The following COL21A1 variants were observed in gnomAD, a reference collection of about 807,000 sequenced individuals.
The protein encoded by COL21A1 is collagen type XXI alpha 1 chain, also known as collagen alpha-1(XXI) chain.
In COL21A1, 149 loss-of-function variants were observed where a neutral mutation model predicts 137.9. The observed-to-expected ratio is 1.08, with a 90% CI of 0.95 to 1.24. The LOEUF is 1.24. Ranked by LOEUF, COL21A1 falls within the 50% of genes most tolerant of loss-of-function variation. The probability of loss-of-function intolerance (pLI) is 0.00; values close to 1 mark genes in which losing one functional copy is unlikely to be tolerated. For synonymous variants in COL21A1, 456 were observed against 391.5 expected (o/e 1.16, Z -1.95); for missense variants, 1,167 against 1,158.4 (o/e 1.01, Z -0.11).
At chr6:56,214,060 T>TAA (rs1780342144) in intron 1 of COL21A1, among the ~76,000 whole-genome samples, 3 of 152,154 alleles carry the variant, frequency 2.0e-5, no homozygotes, top group South Asian at 4.1e-4. Context: ...CCCTTGGAGT[T>TAA]AAACTTTAAT....
intron 22 of COL21A1, among the ~76,000 whole-genome samples, chr6:56,067,972 G>A (rs145145744): frequency 1.4e-3 from 210 of 151,594 alleles, no homozygotes; most frequent in Non-Finnish European, 2.2e-3. Context: ...ATACTTCACC[G>A]TACTATCTAA....
At chr6:56,200,910 A>G (rs1350952188) in intron 1 of COL21A1, among the ~76,000 whole-genome samples, 1 of 152,276 alleles carries the variant, frequency 6.6e-6, no homozygotes, top group Non-Finnish European at 1.5e-5. Flanking sequence ...ACTAGTTTAC[A>G]GTCCCACCAA....
At chr6:56,119,446 G>A (rs1336231038) in intron 16 of COL21A1, among the ~76,000 whole-genome samples, 1 of 152,076 alleles carries the variant, frequency 6.6e-6, no homozygotes, top group Non-Finnish European at 1.5e-5. Flanking sequence ...ATGTTCATGG[G>A]TTTGAAGAAT....
intron 1 of COL21A1, among the ~76,000 whole-genome samples, chr6:56,192,651 A>T (rs1302147850): frequency 1.3e-5 from 2 of 152,228 alleles, no homozygotes; most frequent in Non-Finnish European, 2.9e-5. Context: ...ATCTCATGCC[A>T]GTTAGAATGA....
At chr6:56,170,175 T>C (rs1776920620) in intron 5 of COL21A1, among the ~76,000 whole-genome samples, 1 of 151,928 alleles carries the variant, frequency 6.6e-6, no homozygotes, top group South Asian at 2.1e-4. Flanking sequence ...CTATTATGTA[T>C]CTGGTATTTA....
At chr6:56,307,457 C>A (rs1034000135) in intron 1 of COL21A1, among the ~76,000 whole-genome samples, 2 of 152,198 alleles carry the variant, frequency 1.3e-5, no homozygotes, top group Admixed American at 6.5e-5. Flanking sequence ...TGCCGCCTTG[C>A]AGTTTGATCT....
intron 10 of COL21A1, among the ~76,000 whole-genome samples, chr6:56,147,113 A>G (rs1774893072): frequency 6.6e-6 from 1 of 152,104 alleles, no homozygotes; most frequent in Admixed American, 6.6e-5. Flanking sequence ...TCAAAAGGAG[A>G]ATGTACAACT....
At chr6:56,309,894 G>A (rs1221572840) in intron 1 of COL21A1, among the ~76,000 whole-genome samples, 1 of 152,178 alleles carries the variant, frequency 6.6e-6, no homozygotes, top group East Asian at 1.9e-4. Context: ...ACAGATCGAT[G>A]CAGGGATGGA....
chr6:56,309,172 G>T (rs145178029), intron 1 of COL21A1, among the ~76,000 whole-genome samples: 2,097 of 152,026 alleles, frequency 0.014, 23 homozygotes, highest in South Asian at 0.022. Context: ...CTCCTGAGTA[G>T]CTGGGACTAC....
At chr6:56,110,105 T>A (rs1404524128) in intron 16 of COL21A1, among the ~76,000 whole-genome samples, 4 of 151,902 alleles carry the variant, frequency 2.6e-5, no homozygotes, top group African/African-American at 9.7e-5. Context: ...GCAAATTGAA[T>A]CCAGTAATGT....
chr6:56,237,340 A>C (rs1781971475), intron 1 of COL21A1, among the ~76,000 whole-genome samples: 1 of 152,114 alleles, frequency 6.6e-6, no homozygotes, highest in South Asian at 2.1e-4. Context: ...AAAACAATGA[A>C]ATTTTTAAAA....
intron 24 of COL21A1, among the ~76,000 whole-genome samples, chr6:56,064,126 A>G (rs1766037326): frequency 6.6e-6 from 1 of 152,112 alleles, no homozygotes; most frequent in Admixed American, 6.6e-5. Context: ...ATTTTAATAT[A>G]TCTCCAGAGC....
chr6:56,074,922 A>G (rs1323564401), intron 19 of COL21A1, among the ~76,000 whole-genome samples: 1 of 151,408 alleles, frequency 6.6e-6, no homozygotes, highest in Non-Finnish European at 1.5e-5. Context: ...TGAACCTATA[A>G]CAGACAATTT....
At chr6:56,329,140 C>T (rs1408157888) in intron 1 of COL21A1, among the ~76,000 whole-genome samples, 2 of 152,100 alleles carry the variant, frequency 1.3e-5, no homozygotes, top group Non-Finnish European at 2.9e-5. Context: ...CGGTGTAAGG[C>T]ATATAGTACA....
intron 1 of COL21A1, among the ~76,000 whole-genome samples, chr6:56,246,768 G>A (rs1438176467): frequency 6.6e-6 from 1 of 152,148 alleles, no homozygotes; most frequent in Non-Finnish European, 1.5e-5. Flanking sequence ...GCTGCTGCGG[G>A]CCAGATGCCA....
intron 16 of COL21A1, among the ~76,000 whole-genome samples, chr6:56,104,883 T>G (rs1265265483): frequency 6.6e-6 from 1 of 152,234 alleles, no homozygotes; most frequent in Non-Finnish European, 1.5e-5. Flanking sequence ...TGGAAAGTAA[T>G]TTAGTTTGCT....
Position 56,060,191 on chromosome 6 carries a change from CCA to C in COL21A1, c.2433_2434del (p.Ser811ArgfsTer4). The C allele has an allele frequency of 6.2e-7, 1 of 1,607,086 alleles. No homozygotes were observed. On this transcript the variant is annotated frameshift_variant, in exon 28 of 30. Transcript: ENST00000244728. LOFTEE classifies it high-confidence loss of function. ...GCAATGATCACAATTTCTAATTCTT[CCA>C]CTCTGAAGTAAGACTGGTAGCTGGG... is the stretch of plus-strand genomic sequence containing the variant.
At position 56,147,518 on chromosome 6, in the gene COL21A1, T is replaced by G. The variant is rs552010293; in HGVS notation, c.1435-5535A>C. Among the ~76,000 whole-genome samples, 5 of 152,032 alleles carry G rather than the reference T, an allele frequency of 3.3e-5. No individual in the cohort carries two copies. The East Asian group carries it at 9.6e-4, about 29-fold the overall frequency. ...AATAATTACTGAGTTCAACCAGTTATCACCAACCGAGAACTCTAATAGTAG... is the reference window on the plus strand; with the variant it reads ...AATAATTACTGAGTTCAACCAGTTAGCACCAACCGAGAACTCTAATAGTAG... On this transcript the variant is annotated intron_variant, in intron 10 of 29. Coordinates refer to ENST00000244728, the MANE Select transcript of COL21A1 (RefSeq NM_030820.4).
chr6:56,305,181 G>A (rs972184428), intron 1 of COL21A1, among the ~76,000 whole-genome samples: 1 of 152,100 alleles, frequency 6.6e-6, no homozygotes, highest in Non-Finnish European at 1.5e-5. Context: ...AATAAGTGTG[G>A]TGTGGTGCTG....
Sources: allele counts gnomAD v4.1 joint callset (sites outside exome capture counted in the v4.1 genomes callset), GRCh38; gene constraint gnomAD v4.1.1; transcripts MANE v1.5; gene names NCBI Gene and HGNC (gene_info 2026-07-23, HGNC 2026-07-21).